Variants in PCCB observed in about 807,000 individuals in gnomAD.
The protein encoded by PCCB is propionyl-CoA carboxylase subunit beta.
PCCB carries 43 observed loss-of-function variants against 60.7 expected under a neutral mutation model. The ratio of observed to expected loss-of-function variants is 0.71; its 90% confidence interval spans 0.55 to 0.91. The LOEUF (loss-of-function observed/expected upper bound fraction) is 0.91, where lower values mean the gene tolerates loss of function less well. Among genes scored for constraint, PCCB ranks in the 40% least tolerant of loss-of-function variants. PCCB has a pLI of 0.00. For synonymous variants in PCCB, 276 were observed against 255.9 expected, an observed-to-expected ratio of 1.08 and a Z score of -0.75; for missense variants, 766 against 702.8, an observed-to-expected ratio of 1.09 and a Z score of -1.02.
At chr3:136,269,779 G>A (rs886263997) in intron 5 of PCCB, among the ~76,000 whole-genome samples, 1 of 151,640 alleles carries the variant, frequency 6.6e-6, no homozygotes, top group African/African-American at 2.4e-5. Flanking sequence ...CCAGCTACTC[G>A]GGAGGCTGAG....
chr3:136,287,663 T>C (rs1302336076), intron 6 of PCCB, among the ~76,000 whole-genome samples: 1 of 152,206 alleles, frequency 6.6e-6, no homozygotes, highest in African/African-American at 2.4e-5. Context: ...TCCAAACTCT[T>C]GGCCTCAAGT....
rs1268931437 is a variant in PCCB at position 136,261,978 on chromosome 3, G to A, written c.456G>A (p.Gly152=). 6.4e-7 allele frequency: 1 copy of A among 1,560,400 alleles called. No homozygotes were observed. The highest frequency in any genetic ancestry group is 2.4e-5 in the East Asian group (1 of 42,416). The change falls in exon 5 of 15, where the codon GGG becomes GGA. Residue 152 remains glycine (G), a synonymous_variant. Coordinates refer to ENST00000251654, the MANE Select transcript of PCCB (RefSeq NM_000532.5). ...TCATGGACCAGGCCATAACGGTGGG[G>A]GCTCCAGTGATTGGGCTGAATGACT... ...CKIMDQAITV[G]APVIGLNDSG...
At chr3:136,317,550 C>T (rs1321538169) in intron 10 of PCCB, among the ~76,000 whole-genome samples, 2 of 152,020 alleles carry the variant, frequency 1.3e-5, no homozygotes, top group African/African-American at 4.8e-5. Flanking sequence ...CTTTTAATAT[C>T]TCAAAATGCT....
At chr3:136,273,590 C>CT (rs1942257481) in intron 5 of PCCB, among the ~76,000 whole-genome samples, 33 of 65,604 alleles carry the variant, frequency 5.0e-4, no homozygotes, top group South Asian at 1.0e-3. Flanking sequence ...TTTTTTTTTT[C>CT]TTTTTTCTTT....
chr3:136,320,448 A>G (rs1194131934), intron 10 of PCCB, among the ~76,000 whole-genome samples: 1 of 152,154 alleles, frequency 6.6e-6, no homozygotes, highest in Non-Finnish European at 1.5e-5. Flanking sequence ...ATTCTTCTAG[A>G]TGTCATGTAC....
At chr3:136,288,842 G>A (rs992628854) in intron 6 of PCCB, among the ~76,000 whole-genome samples, 4 of 151,490 alleles carry the variant, frequency 2.6e-5, no homozygotes, top group African/African-American at 4.9e-5. Flanking sequence ...TTGCTGTGTC[G>A]CCCATGCTGA....
At chr3:136,273,119 A>G (rs926717702) in intron 5 of PCCB, among the ~76,000 whole-genome samples, 1 of 152,166 alleles carries the variant, frequency 6.6e-6, no homozygotes, top group Admixed American at 6.6e-5. Context: ...GTATTTGTAT[A>G]GTTTTGAGCA....
chr3:136,298,214 C>T, intron 8 of PCCB, 142 bp downstream of exon 8: 1 of 971,518 alleles, frequency 1.0e-6, no homozygotes, highest in Non-Finnish European at 1.6e-6. Context: ...GGGATGATGT[C>T]ATGTTTGGCT....
chr3:136,273,642 A>G lies in PCCB; in HGVS notation c.544-10195A>G, dbSNP rs544486363. On this transcript the variant is annotated intron_variant, in intron 5 of 14. Transcript: ENST00000251654. ...TTTACTGTTGTTGCTTTAAAGGTCT[A>G]TTTTGTCTGATATAAGAATAGCTAC... Among the ~76,000 whole-genome samples, 5 of 26,330 alleles carry G rather than the reference A, an allele frequency of 1.9e-4. No individual in the cohort carries two copies. The East Asian group carries it at 2.7e-3, about 14-fold the overall frequency. The allele number at this position is 26,330 out of a possible 152,430, so 17.3% of individuals were successfully genotyped here.
intron 8 of PCCB, 119 bp downstream of exon 8, chr3:136,298,191 G>A: frequency 1.6e-6 from 2 of 1,227,830 alleles, no homozygotes; most frequent in Non-Finnish European, 2.4e-6. Context: ...TGGTAGAGTG[G>A]CTCCCAGGTG....
At chr3:136,315,326 G>A (rs769596957) in intron 9 of PCCB, among the ~76,000 whole-genome samples, 21 of 151,562 alleles carry the variant, frequency 1.4e-4, no homozygotes, top group Non-Finnish European at 2.7e-4. Flanking sequence ...TCACGAGGTC[G>A]AGATCGAGAC....
At chr3:136,267,669 A>G (rs533645439) in intron 5 of PCCB, among the ~76,000 whole-genome samples, 13 of 151,640 alleles carry the variant, frequency 8.6e-5, no homozygotes. Context: ...CATTATTTGT[A>G]GAGGTGAGGG....
chr3:136,263,238 C>G (rs1219855481), intron 5 of PCCB, among the ~76,000 whole-genome samples: 1 of 147,246 alleles, frequency 6.8e-6, no homozygotes, highest in Non-Finnish European at 1.5e-5. Context: ...CAGGTGTGAG[C>G]CACCGCGCCC....
chr3:136,310,093 G>A (rs577134407), intron 9 of PCCB, among the ~76,000 whole-genome samples: 1 of 152,242 alleles, frequency 6.6e-6, no homozygotes, highest in South Asian at 2.1e-4. Context: ...GGCCAGGCAA[G>A]GTGGCTCACA....
At chr3:136,315,712 T>C (rs1934864292) in intron 9 of PCCB, among the ~76,000 whole-genome samples, 1 of 151,674 alleles carries the variant, frequency 6.6e-6, no homozygotes, top group Admixed American at 6.6e-5. Context: ...CCTGTAGTCC[T>C]AGCTACTTGG....
chr3:136,323,655 G>A (rs1484594920), intron 10 of PCCB, among the ~76,000 whole-genome samples: 1 of 151,978 alleles, frequency 6.6e-6, no homozygotes, highest in Non-Finnish European at 1.5e-5. Flanking sequence ...CGTGGCAGAG[G>A]GTGCCTGTAG....
At chr3:136,284,001 C>A in intron 6 of PCCB, 54 bp downstream of exon 6, 3 of 1,083,702 alleles carry the variant, frequency 2.8e-6, no homozygotes, top group South Asian at 1.2e-5. Flanking sequence ...CAGTTCCTTA[C>A]CTGCAATAAA....
chr3:136,269,153 T>C (rs1942118915), intron 5 of PCCB, among the ~76,000 whole-genome samples: 1 of 152,070 alleles, frequency 6.6e-6, no homozygotes, highest in African/African-American at 2.4e-5. Context: ...TTGTGGTGCA[T>C]GCCTGTAATC....
intron 6 of PCCB, among the ~76,000 whole-genome samples, chr3:136,292,395 A>C (rs1015191713): frequency 2.6e-5 from 4 of 152,350 alleles, no homozygotes; most frequent in African/African-American, 9.6e-5. Flanking sequence ...TGATAGACTA[A>C]GGACTAATTT....
Sources: allele counts gnomAD v4.1 joint callset (sites outside exome capture counted in the v4.1 genomes callset), GRCh38; gene constraint gnomAD v4.1.1; transcripts MANE v1.5; gene names NCBI Gene and HGNC (gene_info 2026-07-23, HGNC 2026-07-21).